Variants in FBXW7 observed in about 807,000 individuals in gnomAD.
FBXW7 encodes F-box/WD repeat-containing protein 7.
In FBXW7, 11 loss-of-function variants were observed where a neutral mutation model predicts 86.3. The observed-to-expected ratio is 0.13, with a 90% confidence interval of 0.08 to 0.21. The LOEUF (loss-of-function observed/expected upper bound fraction) is 0.21, where lower values mean the gene tolerates loss of function less well. FBXW7 is among the 10% of genes least tolerant of loss of function. FBXW7 has a pLI of 1.00. For synonymous variants in FBXW7, 313 were observed against 297.9 expected (o/e 1.05, Z -0.52); for missense variants, 488 against 847.4 (o/e 0.58, Z 5.27).
chr4:152,457,643 CAAAAAAAAA>C lies in FBXW7; in HGVS notation c.-119-45123_-119-45115del, dbSNP rs769232533. On this transcript the variant is annotated intron_variant, in intron 2 of 13. Transcript: ENST00000281708. The stretch of plus-strand genomic sequence containing the variant: ...TGGGTGACAGAGCAAGACTCTGTCT[CAAAAAAAAA>C]AAAAAAAAAAAAAGAACTCAATAAA... 4.4e-3 allele frequency among the ~76,000 whole-genome samples: 252 copies of C among 57,472 alleles called. 1 individual carries two copies. The highest frequency in any genetic ancestry group is 0.015 in the African/African-American group (238 of 15,514). 37.7% of individuals were successfully genotyped at this position (57,472 alleles called of 152,430 possible).
intron 4 of FBXW7, among the ~76,000 whole-genome samples, chr4:152,355,401 C>T (rs1217068364): frequency 1.3e-5 from 2 of 151,854 alleles, no homozygotes; most frequent in East Asian, 3.9e-4. Flanking sequence ...TATTTTATGC[C>T]TTACACTAAA....
intron 2 of FBXW7, among the ~76,000 whole-genome samples, chr4:152,440,987 T>C (rs1324099745): frequency 6.6e-6 from 1 of 152,122 alleles, no homozygotes; most frequent in Non-Finnish European, 1.5e-5. Context: ...TATGTAGAAA[T>C]TTTAAGATGG....
chr4:152,374,529 G>A (rs1355251043), intron 4 of FBXW7, among the ~76,000 whole-genome samples: 1 of 151,894 alleles, frequency 6.6e-6, no homozygotes, highest in Non-Finnish European at 1.5e-5. Context: ...AATTCCTTAA[G>A]GATTTTTCCA....
At chr4:152,403,338 C>T (rs1737111898) in intron 4 of FBXW7, among the ~76,000 whole-genome samples, 1 of 151,940 alleles carries the variant, frequency 6.6e-6, no homozygotes, top group African/African-American at 2.4e-5. Context: ...ATTAGCTGGA[C>T]GTGGTGGCAA....
intron 2 of FBXW7, among the ~76,000 whole-genome samples, chr4:152,417,547 G>A (rs1738551319): frequency 6.6e-6 from 1 of 152,066 alleles, no homozygotes; most frequent in Non-Finnish European, 1.5e-5. Context: ...CCAACAAGGG[G>A]GCAAGGTGGC....
chr4:152,474,118 T>C (rs756896952), intron 2 of FBXW7, among the ~76,000 whole-genome samples: 4 of 152,162 alleles, frequency 2.6e-5, no homozygotes, highest in Non-Finnish European at 5.9e-5. Context: ...GCCCACAGAA[T>C]CAGATAAAGG....
At chr4:152,492,761 T>C (rs1745985127) in intron 2 of FBXW7, among the ~76,000 whole-genome samples, 1 of 152,118 alleles carries the variant, frequency 6.6e-6, no homozygotes, top group Non-Finnish European at 1.5e-5. Flanking sequence ...TGCTTTGCTA[T>C]AGTGCAGCTA....
At chr4:152,407,143 T>C (rs1027225682) in intron 4 of FBXW7, among the ~76,000 whole-genome samples, 2 of 152,238 alleles carry the variant, frequency 1.3e-5, no homozygotes, top group African/African-American at 4.8e-5. Context: ...GTAAGTGGTA[T>C]AATCAGAATT....
chr4:152,469,621 AG>A (rs1178309137), intron 2 of FBXW7, among the ~76,000 whole-genome samples: 3 of 152,136 alleles, frequency 2.0e-5, no homozygotes, highest in Non-Finnish European at 4.4e-5. Flanking sequence ...TTCACAAAAA[AG>A]AAATACTACA....
At chr4:152,525,669 G>A (rs757176742) in intron 2 of FBXW7, among the ~76,000 whole-genome samples, 7 of 152,078 alleles carry the variant, frequency 4.6e-5, no homozygotes, top group Non-Finnish European at 1.0e-4. Flanking sequence ...CCCATGGTGT[G>A]TATGTACCAC....
At chr4:152,522,155 A>G (rs1169640535) in intron 2 of FBXW7, among the ~76,000 whole-genome samples, 1 of 152,094 alleles carries the variant, frequency 6.6e-6, no homozygotes, top group Non-Finnish European at 1.5e-5. Context: ...TTACCTTGAT[A>G]CTTGTTTTTT....
chr4:152,320,819 A>G lies in FBXW7; in HGVS notation c.*2062T>C, dbSNP rs1728511278. The G allele has an allele frequency of 6.6e-6, 1 of 152,144 alleles. No individual in the cohort carries two copies. Among genetic ancestry groups the G allele is most frequent in the Non-Finnish European group, 1.5e-5 (1 of 68,022 alleles). The allele number at this position is 152,144 out of a possible 1,614,324, so 9.4% of individuals were successfully genotyped here. A position where few individuals can be genotyped will look rare whatever the true frequency, so the allele number is the denominator to read the frequency against. On this transcript the variant is annotated 3_prime_UTR_variant, in exon 14 of 14. Transcript: ENST00000281708. ...CAGCTGCAGATTTTTGCTCGTCTTT[A>G]AGATGGGAGATAATAGTGCCTACTT...
chr4:152,423,364 A>C (rs1226548202), intron 2 of FBXW7, among the ~76,000 whole-genome samples: 2 of 152,238 alleles, frequency 1.3e-5, no homozygotes, highest in Non-Finnish European at 2.9e-5. Context: ...CTCTAGCATG[A>C]GCTAGTTGAG....
At chr4:152,352,671 C>T (rs748161837) in intron 4 of FBXW7, 44 of 1,613,692 alleles carry the variant, frequency 2.7e-5, no homozygotes, top group Non-Finnish European at 3.7e-5. Context: ...GAACCGGCAA[C>T]AAAACTCCAC....
intron 2 of FBXW7, among the ~76,000 whole-genome samples, chr4:152,533,891 T>C (rs1177870120): frequency 6.6e-6 from 1 of 152,200 alleles, no homozygotes; most frequent in Non-Finnish European, 1.5e-5. Context: ...CAGGCTTACA[T>C]TCATTCCCAC....
chr4:152,444,412 G>A (rs533351030), intron 2 of FBXW7, among the ~76,000 whole-genome samples: 3 of 151,770 alleles, frequency 2.0e-5, no homozygotes, highest in African/African-American at 7.3e-5. Flanking sequence ...GAACATCCTT[G>A]TGCCTAAGTC....
chr4:152,413,673 T>C (rs566165172), intron 2 of FBXW7, among the ~76,000 whole-genome samples: 23 of 152,260 alleles, frequency 1.5e-4, no homozygotes, highest in African/African-American at 5.3e-4. Context: ...TACTCAAAGA[T>C]TATTACTCTA....
chr4:152,518,136 G>A (rs1330576124), intron 2 of FBXW7, among the ~76,000 whole-genome samples: 4 of 151,530 alleles, frequency 2.6e-5, no homozygotes, highest in African/African-American at 7.3e-5. Context: ...TTACAGGCAC[G>A]CACCACCACA....
intron 2 of FBXW7, among the ~76,000 whole-genome samples, chr4:152,432,435 T>C (rs565641626): frequency 1.3e-5 from 2 of 152,330 alleles, no homozygotes; most frequent in African/African-American, 4.8e-5. Context: ...TTAATTGAGG[T>C]ACTTTTTATA....
Sources: allele counts gnomAD v4.1 joint callset (sites outside exome capture counted in the v4.1 genomes callset), GRCh38; gene constraint gnomAD v4.1.1; transcripts MANE v1.5; gene names NCBI Gene and HGNC (gene_info 2026-07-23, HGNC 2026-07-21).